Variants in VPS13B observed in about 807,000 individuals in gnomAD.
VPS13B encodes the protein intermembrane lipid transfer protein VPS13B.
A neutral mutation model predicts 426.4 loss-of-function variants in VPS13B; 285 were observed. That is an observed-to-expected ratio of 0.67 (90% CI 0.61 to 0.74). The LOEUF (loss-of-function observed/expected upper bound fraction) is 0.74. Ranked by LOEUF, VPS13B falls within the 30% of genes least tolerant of loss-of-function variation. VPS13B has a pLI of 0.00. For missense variants in VPS13B, 4,537 were observed against 4,782.6 expected (o/e 0.95, Z 1.51); for synonymous variants, 1,676 against 1,676.4 (o/e 1.00, Z 0.01).
chr8:99,142,036 G>A (rs1436094086), intron 12 of VPS13B, among the ~76,000 whole-genome samples: 2 of 152,096 alleles, frequency 1.3e-5, no homozygotes, highest in Non-Finnish European at 2.9e-5. Context: ...CTGGGTGACT[G>A]AGACTCTGTC....
intron 30 of VPS13B, among the ~76,000 whole-genome samples, chr8:99,544,952 AG>A (rs1563788389): frequency 6.6e-6 from 1 of 152,216 alleles, no homozygotes; most frequent in Non-Finnish European, 1.5e-5. Flanking sequence ...AACGAAGCTC[AG>A]GGATGCCTAA....
In VPS13B at chr8:99,868,390, G is replaced by A. The variant is rs145970185; in HGVS notation, c.11317G>A (p.Val3773Met). The stretch of plus-strand genomic sequence containing the variant: ...CAAGGCCAAGGGTGTCATCTCGGGT[G>A]TGGGGAAAGGAATCATGGGGGTGTT... The part of the protein sequence containing the change: ...GHKAKGVISG[V>M]GKGIMGVFTK... The change falls in exon 59 of 62, where the codon GTG becomes ATG. Residue 3773 changes from valine (V) to methionine (M), a missense_variant. By Grantham distance (21) the Val-to-Met change is conservative (BLOSUM62 1). Coordinates refer to ENST00000357162, the MANE Select transcript of VPS13B (RefSeq NM_152564.5). The A allele has an allele frequency of 5.6e-6, 9 of 1,614,080 alleles. No individual in the cohort carries two copies. The highest frequency in any genetic ancestry group is 1.1e-5 in the South Asian group (1 of 91,076).
At chr8:99,337,671 G>GT (rs1273058317) in intron 19 of VPS13B, among the ~76,000 whole-genome samples, 1 of 151,932 alleles carries the variant, frequency 6.6e-6, no homozygotes. Flanking sequence ...TCTTTTCTTT[G>GT]TTTTTTCTTT....
At chr8:99,690,989 G>GA (rs1831628998) in intron 35 of VPS13B, among the ~76,000 whole-genome samples, 2 of 152,176 alleles carry the variant, frequency 1.3e-5, no homozygotes, top group African/African-American at 4.8e-5. Context: ...TGGATAAGCA[G>GA]AATGTGATAT....
intron 12 of VPS13B, among the ~76,000 whole-genome samples, chr8:99,139,656 C>T (rs564229216): frequency 6.6e-6 from 1 of 152,060 alleles, no homozygotes; most frequent in Non-Finnish European, 1.5e-5. Flanking sequence ...CCAGGATGGT[C>T]TCGATCTCCT....
intron 19 of VPS13B, among the ~76,000 whole-genome samples, chr8:99,370,870 A>G (rs1813142851): frequency 6.6e-6 from 1 of 152,116 alleles, no homozygotes; most frequent in African/African-American, 2.4e-5. Context: ...TCGGCCTCCC[A>G]AAGTGCTGGG....
intron 17 of VPS13B, among the ~76,000 whole-genome samples, chr8:99,263,429 T>C (rs1375521017): frequency 2.6e-5 from 4 of 152,206 alleles, no homozygotes; most frequent in African/African-American, 9.6e-5. Context: ...ACATTTATTT[T>C]CTTGCAATTA....
chr8:99,620,986 CAAA>C (rs397892235), intron 33 of VPS13B, among the ~76,000 whole-genome samples: 10,762 of 50,108 alleles, frequency 0.21, 516 homozygotes, highest in East Asian at 0.42. Context: ...AACTCCATCT[CAAA>C]AAAAAAAAAA....
intron 16 of VPS13B, among the ~76,000 whole-genome samples, chr8:99,172,580 C>T (rs980166553): frequency 2.0e-5 from 3 of 152,032 alleles, no homozygotes; most frequent in Non-Finnish European, 4.4e-5. Context: ...CTTGAAGGAG[C>T]GAAGGGGACA....
At chr8:99,240,840 C>G (rs1349544297) in intron 17 of VPS13B, 2 of 152,612 alleles carry the variant, frequency 1.3e-5, no homozygotes, top group Admixed American at 1.3e-4. Flanking sequence ...AAAATACTAA[C>G]CCATATTGTT....
intron 23 of VPS13B, among the ~76,000 whole-genome samples, chr8:99,457,774 G>A (rs1186459249): frequency 6.6e-6 from 1 of 151,714 alleles, no homozygotes; most frequent in Non-Finnish European, 1.5e-5. Context: ...CAGAAATTGT[G>A]ATATGTTTAC....
At chr8:99,042,740 G>C (rs977158987) in intron 3 of VPS13B, among the ~76,000 whole-genome samples, 2 of 151,932 alleles carry the variant, frequency 1.3e-5, no homozygotes, top group African/African-American at 2.4e-5. Context: ...TCCTGCCTTG[G>C]CCTCCCAAAT....
chr8:99,245,169 T>TGTCAAA, intron 17 of VPS13B, among the ~76,000 whole-genome samples: 1 of 152,214 alleles, frequency 6.6e-6, no homozygotes, highest in Non-Finnish European at 1.5e-5. Flanking sequence ...TAAGTTCCAG[T>TGTCAAA]TTGATAATAC....
intron 17 of VPS13B, among the ~76,000 whole-genome samples, chr8:99,269,119 A>G (rs987361371): frequency 6.6e-5 from 10 of 152,116 alleles, no homozygotes; most frequent in Admixed American, 5.9e-4. Flanking sequence ...ACTCAATTAA[A>G]CCTCTTTCCT....
chr8:99,560,737 C>T (rs1824870599), intron 31 of VPS13B, among the ~76,000 whole-genome samples: 1 of 152,154 alleles, frequency 6.6e-6, no homozygotes, highest in South Asian at 2.1e-4. Context: ...GGTGGCACAC[C>T]ACAGCATCAA....
At chr8:99,405,883 G>A (rs1588338867) in intron 21 of VPS13B, among the ~76,000 whole-genome samples, 1 of 151,186 alleles carries the variant, frequency 6.6e-6, no homozygotes. Flanking sequence ...AGTTTCAAGC[G>A]ATTCTCCTGC....
chr8:99,171,607 C>T (rs1296837158), intron 16 of VPS13B, among the ~76,000 whole-genome samples: 2 of 151,900 alleles, frequency 1.3e-5, no homozygotes, highest in East Asian at 1.9e-4. Context: ...TGCCTACAGA[C>T]ATCTAGAAAT....
chr8:99,091,484 A>G (rs929359112), intron 3 of VPS13B, among the ~76,000 whole-genome samples: 20 of 152,184 alleles, frequency 1.3e-4, no homozygotes, highest in African/African-American at 4.6e-4. Context: ...ACTAAAGTTG[A>G]TGTGTGAAGA....
chr8:99,577,251 T>G (rs1307912762), intron 32 of VPS13B, among the ~76,000 whole-genome samples: 2 of 152,128 alleles, frequency 1.3e-5, no homozygotes, highest in Admixed American at 1.3e-4. Flanking sequence ...GACTTCTTAT[T>G]GTTAGTTGTG....
Sources: gnomAD v4.1 joint callset for allele counts (sites outside exome capture counted in the v4.1 genomes callset) on GRCh38, gnomAD v4.1.1 for gene constraint, MANE v1.5 for transcripts, NCBI Gene and HGNC (gene_info 2026-07-23, HGNC 2026-07-21) for gene names.